Variants in PCDH7 observed in about 807,000 individuals in gnomAD.
PCDH7 encodes the protein protocadherin-7.
In PCDH7, 17 loss-of-function variants were observed where a neutral mutation model predicts 58.9. The observed-to-expected ratio is 0.29, with a 90% CI of 0.20 to 0.43. The LOEUF (loss-of-function observed/expected upper bound fraction) is 0.43. PCDH7 is among the 20% of genes least tolerant of loss of function. The pLI, the probability that PCDH7 is intolerant of heterozygous loss-of-function variation, is 1.00. For missense variants in PCDH7, 1,274 were observed against 1,441.0 expected, an observed-to-expected ratio of 0.88 and a Z score of 1.88; for synonymous variants, 664 against 616.4, an observed-to-expected ratio of 1.08 and a Z score of -1.14.
intron 3 of PCDH7, among the ~76,000 whole-genome samples, chr4:31,033,890 T>C (rs1296125037): frequency 6.6e-6 from 1 of 152,064 alleles, no homozygotes. Context: ...GGTCAGGAGT[T>C]CGAGACCAGC....
intron 3 of PCDH7, among the ~76,000 whole-genome samples, chr4:31,024,931 CAGGGTTTCACCATGTTGGTT>C (rs1373742379): frequency 1.7e-4 from 26 of 152,082 alleles, no homozygotes; most frequent in Non-Finnish European, 1.0e-4. Flanking sequence ...TTAGTAGAGA[CAGGGTTTCACCATGTTGGTT>C]AGGGTGGTCT....
chr4:30,933,239 A>G (rs1368032310), intron 2 of PCDH7, among the ~76,000 whole-genome samples: 1 of 151,910 alleles, frequency 6.6e-6, no homozygotes, highest in Non-Finnish European at 1.5e-5. Flanking sequence ...GTTAGCCAGG[A>G]TGGTCTCGAT....
At chr4:30,909,999 T>C (rs1286137830) in intron 1 of PCDH7, among the ~76,000 whole-genome samples, 2 of 152,008 alleles carry the variant, frequency 1.3e-5, no homozygotes, top group Non-Finnish European at 2.9e-5. Context: ...TGGAACAGAA[T>C]GGAGGCCTCA....
At chr4:30,911,068 A>G (rs531667122) in intron 1 of PCDH7, among the ~76,000 whole-genome samples, 32 of 152,180 alleles carry the variant, frequency 2.1e-4, no homozygotes, top group Non-Finnish European at 3.5e-4. Context: ...ACAGAAAGCC[A>G]AACACCACAT....
chr4:30,807,904 A>G (rs576394032), intron 1 of PCDH7, among the ~76,000 whole-genome samples: 2 of 152,330 alleles, frequency 1.3e-5, no homozygotes, highest in East Asian at 1.9e-4. Context: ...ACTCTGATAC[A>G]TGAGAGGTGT....
intron 3 of PCDH7, among the ~76,000 whole-genome samples, chr4:31,083,179 G>A (rs1334854222): frequency 1.3e-5 from 2 of 152,000 alleles, no homozygotes; most frequent in Non-Finnish European, 2.9e-5. Context: ...GGGGGCAGGT[G>A]TACTAAAATC....
intron 1 of PCDH7, among the ~76,000 whole-genome samples, chr4:30,771,775 C>T (rs1292334485): frequency 6.6e-6 from 1 of 151,962 alleles, no homozygotes; most frequent in Non-Finnish European, 1.5e-5. Flanking sequence ...CTTTTTATTT[C>T]ATAAAATGCT....
intron 1 of PCDH7, among the ~76,000 whole-genome samples, chr4:30,908,343 A>C (rs2109402218): frequency 6.6e-6 from 1 of 152,288 alleles, no homozygotes; most frequent in Non-Finnish European, 1.5e-5. Context: ...AATGAAGAAA[A>C]AAGTGAAAGC....
chr4:30,974,851 T>A (rs1393139640), intron 3 of PCDH7, among the ~76,000 whole-genome samples: 2 of 152,194 alleles, frequency 1.3e-5, no homozygotes, highest in Non-Finnish European at 2.9e-5. Context: ...AAAGGCAAGC[T>A]AAGAGAAATT....
chr4:31,043,100 G>A (rs953593814), intron 3 of PCDH7, among the ~76,000 whole-genome samples: 6 of 151,946 alleles, frequency 3.9e-5, no homozygotes, highest in Admixed American at 2.0e-4. Context: ...TTTCATGGGG[G>A]CAGAGCTTCT....
Position 30,723,727 on chromosome 4 carries a change from A to G in PCDH7, c.2305A>G (p.Thr769Ala), listed in dbSNP as rs1714157264. The change falls in exon 1 of 2, where the codon ACA (threonine) becomes GCA (alanine). Residue 769 changes from threonine (T) to alanine (A), a missense_variant. This residue lies in a region of PCDH7 where 731 missense variants were observed against 881.9 expected (regional missense o/e 0.83). Transcript: ENST00000361762. This position sits in a 1 kb window ranked among gnomAD's most constrained non-coding sequence, Gnocchi z 4.6. ...GACAGTAGTAGCTACAGTGTTGGCA[A>G]CAGACAGTGATGATGGCATCAATGC... 1.2e-6 allele frequency: 2 copies of G among 1,614,188 alleles called. No homozygotes were observed. The highest frequency in any genetic ancestry group is 1.7e-6 in the Non-Finnish European group (2 of 1,180,030).
At chr4:31,100,369 A>G (rs1188674275) in intron 3 of PCDH7, among the ~76,000 whole-genome samples, 1 of 152,216 alleles carries the variant, frequency 6.6e-6, no homozygotes, top group Non-Finnish European at 1.5e-5. Flanking sequence ...CTGTTTGCAA[A>G]GAACTTTTAG....
chr4:30,854,667 ATTGT>A (rs1177574339), intron 1 of PCDH7, among the ~76,000 whole-genome samples: 1 of 151,956 alleles, frequency 6.6e-6, no homozygotes, highest in African/African-American at 2.4e-5. Context: ...AGGGTTTAAA[ATTGT>A]TTGCAGCAAA....
chr4:31,049,546 C>G, intron 3 of PCDH7, among the ~76,000 whole-genome samples: 1 of 152,068 alleles, frequency 6.6e-6, no homozygotes, highest in East Asian at 1.9e-4. Context: ...TTGATTGTAT[C>G]TGTTCATTGC....
At chr4:31,112,058 AAAGTT>A (rs1716387820) in intron 3 of PCDH7, among the ~76,000 whole-genome samples, 1 of 152,232 alleles carries the variant, frequency 6.6e-6, no homozygotes, top group Admixed American at 6.5e-5. Flanking sequence ...GTAAAATCTA[AAAGTT>A]AAGTATGGGA....
chr4:30,972,559 C>T (rs1488010056), intron 3 of PCDH7, among the ~76,000 whole-genome samples: 1 of 152,106 alleles, frequency 6.6e-6, no homozygotes, highest in African/African-American at 2.4e-5. Context: ...GAGCATAAGC[C>T]TCTTACAAAG....
chr4:30,992,313 C>A (rs767916318), intron 3 of PCDH7, among the ~76,000 whole-genome samples: 1 of 152,206 alleles, frequency 6.6e-6, no homozygotes, highest in Non-Finnish European at 1.5e-5. Flanking sequence ...AATTCCCAAT[C>A]CAGCTGAATA....
intron 3 of PCDH7, among the ~76,000 whole-genome samples, chr4:30,998,638 A>G (rs1752099472): frequency 6.6e-6 from 1 of 152,154 alleles, no homozygotes; most frequent in South Asian, 2.1e-4. Context: ...ATGTTTTCAC[A>G]AGTCCTCACG....
At chr4:31,077,409 C>CAAAAAA (rs36096768) in intron 3 of PCDH7, among the ~76,000 whole-genome samples, 1 of 87,978 alleles carries the variant, frequency 1.1e-5, no homozygotes, top group Non-Finnish European at 2.4e-5. Context: ...AACTCCATCT[C>CAAAAAA]AAAAAAAAAA....
Sources: gnomAD v4.1 joint callset for allele counts (sites outside exome capture counted in the v4.1 genomes callset) on GRCh38, gnomAD v4.1.1 for gene constraint, gnomAD v4.1.1 regional missense constraint, Gnocchi (gnomAD v3.1) non-coding constraint, MANE v1.5 for transcripts, NCBI Gene and HGNC (gene_info 2026-07-23, HGNC 2026-07-21) for gene names.